CDH4: variants seen among roughly 807,000 people sequenced by gnomAD.
CDH4 encodes cadherin-4.
Under a neutral mutation model 86.0 loss-of-function variants are expected in CDH4, and 33 were observed. That is an observed-to-expected ratio of 0.38 (90% CI 0.29 to 0.51). CDH4 has a LOEUF of 0.51. Ranked by LOEUF, CDH4 falls within the 20% of genes least tolerant of loss-of-function variation. The pLI, the probability that CDH4 is intolerant of heterozygous loss-of-function variation, is 0.86. For synonymous variants in CDH4, 555 were observed against 549.4 expected (o/e 1.01, Z -0.14); for missense variants, 1,114 against 1,307.4 (o/e 0.85, Z 2.28).
At chr20:61,565,284 G>GCGGTGCTCTT (rs1343566629) in intron 2 of CDH4, among the ~76,000 whole-genome samples, 4 of 97,786 alleles carry the variant, frequency 4.1e-5, no homozygotes, top group Middle Eastern at 5.7e-3. Context: ...CTTGGTGATG[G>GCGGTGCTCTT]GGTGATGGTG....
At chr20:61,423,860 G>A (rs935556720) in intron 2 of CDH4, among the ~76,000 whole-genome samples, 9 of 152,076 alleles carry the variant, frequency 5.9e-5, no homozygotes, top group African/African-American at 2.2e-4. Context: ...GCCTTTCCTC[G>A]CCTGGCCTCT....
chr20:61,318,236 C>T (rs1274122621), intron 2 of CDH4, among the ~76,000 whole-genome samples: 1 of 152,166 alleles, frequency 6.6e-6, no homozygotes, highest in Non-Finnish European at 1.5e-5. Context: ...TGACGACTCT[C>T]CCGTATGTTC....
chr20:61,865,498 T>G (rs1983506484), intron 6 of CDH4, among the ~76,000 whole-genome samples: 1 of 151,708 alleles, frequency 6.6e-6, no homozygotes, highest in Non-Finnish European at 1.5e-5. Flanking sequence ...GCATCCTGGG[T>G]GGTTAGTGTA....
Position 61,895,038 on chromosome 20 carries a change from C to A in CDH4, c.1179C>A (p.Thr393=). 1 of 1,613,726 alleles carries A rather than the reference C, an allele frequency of 6.2e-7. No individual in the cohort carries two copies. Among genetic ancestry groups the A allele is most frequent in the Non-Finnish European group, 8.5e-7 (1 of 1,179,922 alleles). The change falls in exon 8 of 16, where the codon ACC becomes ACA. Residue 393 remains threonine (T), a synonymous_variant. Coordinates refer to ENST00000614565, the MANE Select transcript of CDH4 (RefSeq NM_001794.5). The part of the protein sequence containing the change: ...TDVNDNPPEF[T]ASTFAGEVPE... ...TGAATGACAACCCGCCAGAATTTAC[C>A]GCCAGCACGGTGAGTCCCTCGAAGC...
intron 2 of CDH4, among the ~76,000 whole-genome samples, chr20:61,374,212 T>G (rs2084854808): frequency 6.6e-6 from 1 of 152,036 alleles, no homozygotes; most frequent in African/African-American, 2.4e-5. Flanking sequence ...GAGAAGCATG[T>G]GGAAAAGTTG....
intron 2 of CDH4, among the ~76,000 whole-genome samples, chr20:61,418,637 A>T (rs2085160507): frequency 6.6e-6 from 1 of 152,012 alleles, no homozygotes; most frequent in Non-Finnish European, 1.5e-5. Flanking sequence ...CGTGTGGAGG[A>T]GTTAGTGTCC....
chr20:61,627,627 G>C (rs73144464), intron 2 of CDH4, among the ~76,000 whole-genome samples: 22,044 of 152,128 alleles, frequency 0.14, 1,682 homozygotes, highest in South Asian at 0.27. Context: ...GGGCAGAGAG[G>C]GCACCCCAGG....
At chr20:61,273,150 A>T in intron 2 of CDH4, among the ~76,000 whole-genome samples, 1 of 81,914 alleles carries the variant, frequency 1.2e-5, no homozygotes, top group Non-Finnish European at 2.2e-5. Context: ...TACCGTGTGC[A>T]GTTTGGGGGA....
At chr20:61,444,929 CTG>C (rs1264345636) in intron 2 of CDH4, among the ~76,000 whole-genome samples, 2 of 149,482 alleles carry the variant, frequency 1.3e-5, no homozygotes, top group East Asian at 2.0e-4. Context: ...CTGTGTGTGT[CTG>C]TATCTATTTG....
intron 2 of CDH4, among the ~76,000 whole-genome samples, chr20:61,632,274 A>G (rs910695178): frequency 4.6e-5 from 7 of 152,092 alleles, no homozygotes; most frequent in African/African-American, 1.7e-4. Flanking sequence ...GAAAACAGAA[A>G]TTCAGTTGGA....
At chr20:61,369,047 T>C (rs543846539) in intron 2 of CDH4, among the ~76,000 whole-genome samples, 25 of 152,326 alleles carry the variant, frequency 1.6e-4, no homozygotes, top group African/African-American at 5.8e-4. Flanking sequence ...CGTAGCCTAC[T>C]ATCGTCAAAA....
At chr20:61,285,459 C>T (rs915191405) in intron 2 of CDH4, among the ~76,000 whole-genome samples, 1 of 152,168 alleles carries the variant, frequency 6.6e-6, no homozygotes, top group South Asian at 2.1e-4. Context: ...CCACAGCACC[C>T]AGGTATGGAG....
Position 61,743,623 on chromosome 20 carries a change from T to C in CDH4, c.230T>C (p.Phe77Ser). The C allele has an allele frequency of 6.3e-7, 1 of 1,588,906 alleles. No individual in the cohort carries two copies. Among genetic ancestry groups the C allele is most frequent in the Non-Finnish European group, 8.6e-7 (1 of 1,166,932 alleles). The change falls in exon 3 of 16, where the codon TTC (phenylalanine) becomes TCC (serine). Residue 77 changes from phenylalanine (F) to serine (S), a missense_variant. Phe to Ser is a radical substitution (Grantham distance 155, BLOSUM62 -2). Around this residue, in one of 3 missense-constraint regions of CDH4, gnomAD observed 221 missense variants for 209.5 expected, o/e 1.05. Coordinates refer to ENST00000614565, the MANE Select transcript of CDH4 (RefSeq NM_001794.5). ...GTQYETNSMD[F>S]KVGADGTVFA... Reference sequence around the variant, plus strand: ...CAATATGAGACCAACAGCATGGACTTCAAAGTTGGGGCAGATGGGACAGTC... The same window carrying C: ...CAATATGAGACCAACAGCATGGACTCCAAAGTTGGGGCAGATGGGACAGTC...
At chr20:61,335,026 G>A (rs2084609665) in intron 2 of CDH4, among the ~76,000 whole-genome samples, 1 of 152,256 alleles carries the variant, frequency 6.6e-6, no homozygotes, top group Admixed American at 6.5e-5. Context: ...TGACAGCGAT[G>A]ATGCGGCTGA....
intron 4 of CDH4, among the ~76,000 whole-genome samples, chr20:61,785,414 C>T (rs545777542): frequency 2.6e-5 from 4 of 152,198 alleles, no homozygotes; most frequent in African/African-American, 4.8e-5. Context: ...CTCAGTGAAT[C>T]GCTGCTGGAG....
intron 3 of CDH4, among the ~76,000 whole-genome samples, chr20:61,752,077 A>G (rs1192692499): frequency 6.6e-6 from 1 of 152,234 alleles, no homozygotes; most frequent in Admixed American, 6.5e-5. Flanking sequence ...CACGCCTGTA[A>G]TCCCAGCACT....
At chr20:61,809,350 A>C (rs561275517) in intron 4 of CDH4, among the ~76,000 whole-genome samples, 1 of 152,188 alleles carries the variant, frequency 6.6e-6, no homozygotes, top group African/African-American at 2.4e-5. Flanking sequence ...AAATTCATCT[A>C]TGATCTTAAA....
chr20:61,629,513 C>G (rs540582357), intron 2 of CDH4, among the ~76,000 whole-genome samples: 1 of 152,232 alleles, frequency 6.6e-6, no homozygotes, highest in Non-Finnish European at 1.5e-5. Flanking sequence ...ACTTGTCGCC[C>G]TGGCACGTGT....
Position 61,910,592 on chromosome 20 carries a change from G to C in CDH4, c.1359G>C (p.Met453Ile), listed in dbSNP as rs139302152. 135 of 1,613,506 alleles carry C rather than the reference G, an allele frequency of 8.4e-5. No individual in the cohort carries two copies. In the African/African-American group the frequency reaches 1.5e-3, roughly 18 times the overall value. The part of the protein sequence containing the change: ...VRTDPVTNEG[M>I]VTVVKAVDYE... Reference sequence around the variant, plus strand: ...CAGACCCCGTAACCAACGAGGGCATGGTCACCGTGGTGAAGGTGCGTACTC... The same window carrying C: ...CAGACCCCGTAACCAACGAGGGCATCGTCACCGTGGTGAAGGTGCGTACTC... Residue 453 changes from methionine to isoleucine, a missense_variant, in exon 9 of 16, where the codon ATG (methionine) becomes ATC (isoleucine). Met to Ile is a conservative substitution (Grantham distance 10). Coordinates refer to ENST00000614565, the MANE Select transcript of CDH4 (RefSeq NM_001794.5).
Sources: allele counts gnomAD v4.1 joint callset (sites outside exome capture counted in the v4.1 genomes callset), GRCh38; gene constraint gnomAD v4.1.1; regional missense constraint gnomAD v4.1.1; transcripts MANE v1.5; gene names NCBI Gene and HGNC (gene_info 2026-07-23, HGNC 2026-07-21).